The following ROBO2 variants were observed in gnomAD, a reference collection of about 807,000 sequenced individuals.
ROBO2 encodes roundabout guidance receptor 2.
A neutral mutation model predicts 160.8 loss-of-function variants in ROBO2; 53 were observed. The observed-to-expected ratio is 0.33, with a 90% CI of 0.26 to 0.41. The LOEUF is 0.41. ROBO2 is among the 10% of genes least tolerant of loss of function. The pLI is 1.00. For missense variants in ROBO2, 1,577 were observed against 1,722.4 expected (o/e 0.92, Z 1.49); for synonymous variants, 664 against 611.7 (o/e 1.09, Z -1.26).
intron 2 of ROBO2, among the ~76,000 whole-genome samples, chr3:77,107,133 GACGGCATCCTC>G (rs1385524564): frequency 2.0e-5 from 3 of 152,208 alleles, no homozygotes; most frequent in Non-Finnish European, 4.4e-5. Context: ...CTGGTTCATA[GACGGCATCCTC>G]ACAAGGTGAA....
chr3:76,214,921 C>T (rs1229760322), intron 2 of ROBO2, among the ~76,000 whole-genome samples: 3 of 152,260 alleles, frequency 2.0e-5, no homozygotes, highest in South Asian at 2.1e-4. Context: ...TCAGTATGGG[C>T]GGACTGACAC....
chr3:76,696,668 G>C (rs967764748), intron 2 of ROBO2, among the ~76,000 whole-genome samples: 7 of 152,136 alleles, frequency 4.6e-5, no homozygotes, highest in Non-Finnish European at 1.0e-4. Flanking sequence ...ATAACTTCTT[G>C]TTTGTGCATC....
At chr3:76,791,558 A>G (rs550309668) in intron 2 of ROBO2, among the ~76,000 whole-genome samples, 2 of 151,180 alleles carry the variant, frequency 1.3e-5, no homozygotes, top group Admixed American at 1.3e-4. Flanking sequence ...ACACACTGAC[A>G]CCAACTAAAG....
At chr3:77,153,871 T>C (rs936828981) in intron 2 of ROBO2, among the ~76,000 whole-genome samples, 1 of 152,150 alleles carries the variant, frequency 6.6e-6, no homozygotes, top group Non-Finnish European at 1.5e-5. Flanking sequence ...TTTTCTTGAA[T>C]GTTTACTATA....
intron 2 of ROBO2, among the ~76,000 whole-genome samples, chr3:77,274,018 T>C (rs1350497392): frequency 2.0e-5 from 3 of 152,154 alleles, no homozygotes; most frequent in Non-Finnish European, 4.4e-5. Flanking sequence ...AAAGCTATAC[T>C]GAGTTTATTA....
intron 2 of ROBO2, among the ~76,000 whole-genome samples, chr3:77,425,195 G>GAA (rs147560096): frequency 5.3e-4 from 55 of 104,486 alleles, no homozygotes; most frequent in African/African-American, 1.1e-3. Context: ...GCAATGGCAA[G>GAA]AAAAAAAAAA....
At chr3:76,458,502 GTCT>G (rs1036454763) in intron 2 of ROBO2, among the ~76,000 whole-genome samples, 7 of 152,092 alleles carry the variant, frequency 4.6e-5, no homozygotes, top group African/African-American at 1.2e-4. Flanking sequence ...ACATTTTCCT[GTCT>G]TCTTCTTAGC....
chr3:77,189,386 T>A (rs2081599858), intron 2 of ROBO2, among the ~76,000 whole-genome samples: 1 of 151,896 alleles, frequency 6.6e-6, no homozygotes, highest in Non-Finnish European at 1.5e-5. Flanking sequence ...CATGGAAAGA[T>A]GATAAATGAT....
intron 2 of ROBO2, among the ~76,000 whole-genome samples, chr3:77,322,466 G>A (rs1221838524): frequency 6.6e-6 from 1 of 152,018 alleles, no homozygotes; most frequent in East Asian, 1.9e-4. Flanking sequence ...AGTGGGGTTT[G>A]TCTAACATAA....
At chr3:77,301,095 C>G (rs949847136) in intron 2 of ROBO2, among the ~76,000 whole-genome samples, 1 of 151,816 alleles carries the variant, frequency 6.6e-6, no homozygotes, top group Non-Finnish European at 1.5e-5. Flanking sequence ...TCTCGAACTC[C>G]CGACCTCAGT....
chr3:76,124,529 C>A (rs139458664), intron 2 of ROBO2, among the ~76,000 whole-genome samples: 1 of 152,174 alleles, frequency 6.6e-6, no homozygotes, highest in Non-Finnish European at 1.5e-5. Flanking sequence ...GACATAATAT[C>A]AATGAGGCAC....
intron 2 of ROBO2, among the ~76,000 whole-genome samples, chr3:76,825,430 G>T (rs1021434353): frequency 6.6e-6 from 1 of 151,778 alleles, no homozygotes; most frequent in African/African-American, 2.4e-5. Flanking sequence ...AAATAATGTT[G>T]CTTTTAATTC....
intron 2 of ROBO2, among the ~76,000 whole-genome samples, chr3:76,446,806 A>T (rs188405404): frequency 6.6e-6 from 1 of 152,200 alleles, no homozygotes; most frequent in Non-Finnish European, 1.5e-5. Flanking sequence ...TTCCCTATTT[A>T]ATAAATGGTG....
At chr3:77,478,553 G>A (rs890280472) in intron 3 of ROBO2, among the ~76,000 whole-genome samples, 1 of 152,204 alleles carries the variant, frequency 6.6e-6, no homozygotes, top group African/African-American at 2.4e-5. Context: ...ACATTTGTAT[G>A]TGAAGTTTTT....
intron 2 of ROBO2, among the ~76,000 whole-genome samples, chr3:76,960,239 T>G (rs975281947): frequency 6.6e-6 from 1 of 151,770 alleles, no homozygotes; most frequent in African/African-American, 2.4e-5. Flanking sequence ...TTTTTAAACA[T>G]AAACCCCTGA....
intron 2 of ROBO2, among the ~76,000 whole-genome samples, chr3:76,142,154 G>A (rs1345882369): frequency 1.3e-5 from 2 of 151,994 alleles, no homozygotes; most frequent in Non-Finnish European, 2.9e-5. Context: ...CAAGTGGCAT[G>A]TGATAGCATT....
intron 2 of ROBO2, among the ~76,000 whole-genome samples, chr3:76,533,673 G>A (rs2082344362): frequency 6.6e-6 from 1 of 152,162 alleles, no homozygotes; most frequent in Non-Finnish European, 1.5e-5. Context: ...TCCGAAAAGA[G>A]AGTCAGCAAA....
In ROBO2 at chr3:76,664,329, G is replaced by A. The variant is rs80042114; in HGVS notation, c.110-433685G>A. On this transcript the variant is annotated intron_variant, in intron 2 of 26. Transcript: ENST00000487694. ...GTCTTAAGTGCTTAGACTAATTCAAGGTGAGGGAAGAAAAACTGAAGGCTA... is the reference window on the plus strand; with the variant it reads ...GTCTTAAGTGCTTAGACTAATTCAAAGTGAGGGAAGAAAAACTGAAGGCTA... Among the ~76,000 whole-genome samples the A allele has an allele frequency of 7.1e-3, 1,083 of 152,212 alleles. 18 individuals carry two copies. The highest frequency in any genetic ancestry group is 0.025 in the African/African-American group (1,039 of 41,530).
intron 2 of ROBO2, among the ~76,000 whole-genome samples, chr3:77,457,991 T>A (rs1376380971): frequency 2.0e-5 from 3 of 152,160 alleles, no homozygotes; most frequent in African/African-American, 7.2e-5. Flanking sequence ...TATTTGATTA[T>A]GCAAAACCAT....
Sources: gnomAD v4.1 joint callset for allele counts (sites outside exome capture counted in the v4.1 genomes callset) on GRCh38, gnomAD v4.1.1 for gene constraint, MANE v1.5 for transcripts, NCBI Gene and HGNC (gene_info 2026-07-23, HGNC 2026-07-21) for gene names.